The following FYN variants were observed in gnomAD, a reference collection of about 807,000 sequenced individuals.
The protein encoded by FYN is tyrosine-protein kinase Fyn.
A neutral mutation model predicts 70.2 loss-of-function variants in FYN; 10 were observed. The ratio of observed to expected loss-of-function variants is 0.14; its 90% CI spans 0.09 to 0.24. FYN has a LOEUF of 0.24. Ranked by LOEUF, FYN falls within the 10% of genes least tolerant of loss-of-function variation. The pLI is 1.00. For missense variants in FYN, 319 were observed against 673.1 expected (o/e 0.47, Z 5.82); for synonymous variants, 236 against 248.6 (o/e 0.95, Z 0.48).
At chr6:111,810,714 C>T (rs767438790) in intron 2 of FYN, among the ~76,000 whole-genome samples, 3 of 152,196 alleles carry the variant, frequency 2.0e-5, no homozygotes, top group Non-Finnish European at 4.4e-5. Context: ...TGCCTACACA[C>T]CCCTGCTCCC....
chr6:111,695,964 A>G (rs557144535), intron 10 of FYN, among the ~76,000 whole-genome samples: 6 of 152,378 alleles, frequency 3.9e-5, no homozygotes, highest in Admixed American at 1.3e-4. Flanking sequence ...AAATAACAGC[A>G]AACTATCATA....
At chr6:111,776,485 G>T (rs893784485) in intron 3 of FYN, among the ~76,000 whole-genome samples, 3 of 152,198 alleles carry the variant, frequency 2.0e-5, no homozygotes, top group African/African-American at 7.2e-5. Context: ...CATCTGAAAT[G>T]AGATCTTTTA....
At chr6:111,709,841 T>C (rs780320284) in intron 5 of FYN, among the ~76,000 whole-genome samples, 26 of 152,186 alleles carry the variant, frequency 1.7e-4, no homozygotes, top group Non-Finnish European at 3.4e-4. Flanking sequence ...TAAGCACCCC[T>C]CTCTTTGAGG....
intron 1 of FYN, among the ~76,000 whole-genome samples, chr6:111,855,094 C>T (rs1047744139): frequency 6.6e-6 from 1 of 152,104 alleles, no homozygotes; most frequent in Non-Finnish European, 1.5e-5. Flanking sequence ...GTATTAGCTT[C>T]ATTAGCAGAA....
intron 4 of FYN, 192 bp downstream of exon 4, chr6:111,719,613 G>A (rs1366312035): frequency 1.2e-5 from 8 of 647,378 alleles, no homozygotes; most frequent in Non-Finnish European, 2.0e-5. Flanking sequence ...TTGCAACCCT[G>A]TAGCCAAGCA....
intron 3 of FYN, among the ~76,000 whole-genome samples, chr6:111,776,857 T>C (rs1770962785): frequency 6.6e-6 from 1 of 152,206 alleles, no homozygotes; most frequent in Non-Finnish European, 1.5e-5. Flanking sequence ...ACAAAAGCTC[T>C]CAGCGACTCA....
chr6:111,676,309 C>T (rs952106965), intron 12 of FYN: 2 of 152,174 alleles, frequency 1.3e-5, no homozygotes, highest in African/African-American at 4.8e-5. Flanking sequence ...TATGAGGCAT[C>T]TCACATTAAC....
intron 3 of FYN, among the ~76,000 whole-genome samples, chr6:111,776,604 C>T (rs1370069617): frequency 6.6e-6 from 1 of 152,130 alleles, no homozygotes; most frequent in African/African-American, 2.4e-5. Flanking sequence ...GAATATTACA[C>T]CACAGCTTTT....
intron 3 of FYN, among the ~76,000 whole-genome samples, chr6:111,724,481 A>G (rs1444564999): frequency 6.6e-6 from 1 of 152,208 alleles, no homozygotes; most frequent in Non-Finnish European, 1.5e-5. Flanking sequence ...TCATGTGCCA[A>G]TCAATAAAGC....
At position 111,696,335 on chromosome 6, in the gene FYN, C is replaced by T. The variant is rs367543107; in HGVS notation, c.984G>A (p.Gln328=). The T allele has an allele frequency of 3.8e-5, 61 of 1,613,942 alleles. No individual in the cohort carries two copies. In the African/African-American group the frequency reaches 7.6e-4, roughly 20 times the overall value. Reference sequence around the variant, plus strand: ...GCTCCTCAGACACCACTGCATAGAGCTGGACCAGCTTGTCGTGCTTCAGCT... The same window carrying T: ...GCTCCTCAGACACCACTGCATAGAGTTGGACCAGCTTGTCGTGCTTCAGCT... The part of the protein sequence containing the change: ...MKKLKHDKLV[Q]LYAVVSEEPI... The change falls in exon 10 of 14, where the codon CAG becomes CAA. Residue 328 remains glutamine (Q), a synonymous_variant. Transcript: ENST00000354650.
At chr6:111,750,524 T>C (rs1802438693) in intron 3 of FYN, among the ~76,000 whole-genome samples, 1 of 152,198 alleles carries the variant, frequency 6.6e-6, no homozygotes, top group Admixed American at 6.5e-5. Context: ...AGGTATTTCT[T>C]TACAGTAATG....
intron 5 of FYN, among the ~76,000 whole-genome samples, chr6:111,712,217 T>C (rs956938239): frequency 6.6e-6 from 1 of 152,246 alleles, no homozygotes; most frequent in African/African-American, 2.4e-5. Flanking sequence ...CAAAGCCTCC[T>C]GAGAGCTGGG....
chr6:111,741,872 G>A (rs1162738175), intron 3 of FYN, among the ~76,000 whole-genome samples: 1 of 152,192 alleles, frequency 6.6e-6, no homozygotes, highest in Non-Finnish European at 1.5e-5. Flanking sequence ...TAAGTCCTGC[G>A]TTCTGACAAG....
intron 3 of FYN, among the ~76,000 whole-genome samples, chr6:111,778,303 A>G (rs1771031428): frequency 6.6e-6 from 1 of 152,194 alleles, no homozygotes; most frequent in Non-Finnish European, 1.5e-5. Flanking sequence ...GGTGGGCTGG[A>G]GTGTTAGAAA....
At chr6:111,780,170 C>T (rs1453342066) in intron 3 of FYN, among the ~76,000 whole-genome samples, 3 of 152,124 alleles carry the variant, frequency 2.0e-5, no homozygotes, top group Non-Finnish European at 2.9e-5. Flanking sequence ...CCTAAGCTGC[C>T]TGCTTCTCTT....
chr6:111,824,306 G>T (rs75815903), intron 2 of FYN, among the ~76,000 whole-genome samples: 6,984 of 152,238 alleles, frequency 0.046, 183 homozygotes, highest in East Asian at 0.14. Context: ...AAGGGGCAAC[G>T]TGGATGATGG....
Position 111,694,186 on chromosome 6 carries a change from T to C in FYN, c.1273+189A>G, listed in dbSNP as rs1799473380. Among the ~76,000 whole-genome samples, 1 of 152,032 alleles carries C rather than the reference T, an allele frequency of 6.6e-6. No homozygotes were observed. The highest frequency in any genetic ancestry group is 1.5e-5 in the Non-Finnish European group (1 of 68,024). ...AAAAACCAATATCTCATCCCTCCAC[T>C]GGGCCCACAACAGTCTCCCACCTGC... On this transcript the variant is annotated intron_variant, in intron 12 of 13. Coordinates refer to ENST00000354650, the MANE Select transcript of FYN (RefSeq NM_002037.5). This position sits in a 1 kb window ranked among gnomAD's most constrained non-coding sequence, Gnocchi z 5.0.
chr6:111,777,504 C>T (rs1583434630), intron 3 of FYN, among the ~76,000 whole-genome samples: 6 of 152,078 alleles, frequency 3.9e-5, no homozygotes, highest in Admixed American at 2.6e-4. Context: ...TACTGATCTA[C>T]GATATATTTC....
chr6:111,803,316 C>T (rs1223983759), intron 2 of FYN, among the ~76,000 whole-genome samples: 1 of 152,136 alleles, frequency 6.6e-6, no homozygotes, highest in East Asian at 1.9e-4. Context: ...CTTTTTTTCT[C>T]TCCCAAATCA....
Sources: allele counts gnomAD v4.1 joint callset (sites outside exome capture counted in the v4.1 genomes callset), GRCh38; gene constraint gnomAD v4.1.1; non-coding constraint Gnocchi (gnomAD v3.1); transcripts MANE v1.5; gene names NCBI Gene and HGNC (gene_info 2026-07-23, HGNC 2026-07-21).